The following CFAP299 variants were observed in gnomAD, a reference collection of about 807,000 sequenced individuals.
The protein encoded by CFAP299 is cilia- and flagella-associated protein 299.
In CFAP299, 21 loss-of-function variants were observed where a neutral mutation model predicts 27.0. That is an observed-to-expected ratio of 0.78 (90% CI 0.55 to 1.12). The LOEUF is 1.12. Among genes scored for constraint, CFAP299 ranks in the 50% most tolerant of loss-of-function variants. The pLI is 0.00. For synonymous variants in CFAP299, 104 were observed against 98.1 expected (o/e 1.06, Z -0.36); for missense variants, 310 against 276.6 (o/e 1.12, Z -0.86).
chr4:80,810,589 A>G (rs1729099871), intron 3 of CFAP299, among the ~76,000 whole-genome samples: 1 of 152,074 alleles, frequency 6.6e-6, no homozygotes, highest in Non-Finnish European at 1.5e-5. Flanking sequence ...GGATGCATCT[A>G]TAAACCAAGG....
chr4:80,690,453 T>G (rs1720588897), intron 3 of CFAP299, among the ~76,000 whole-genome samples: 1 of 151,992 alleles, frequency 6.6e-6, no homozygotes, highest in Admixed American at 6.6e-5. Context: ...ACTGGGTACA[T>G]AACGAAATGA....
chr4:80,529,707 G>A (rs996798283), intron 2 of CFAP299, among the ~76,000 whole-genome samples: 16 of 151,434 alleles, frequency 1.1e-4, no homozygotes, highest in African/African-American at 3.6e-4. Context: ...AAGATTCCTT[G>A]CTCAGCTCCA....
intron 3 of CFAP299, among the ~76,000 whole-genome samples, chr4:80,816,325 G>A (rs1285350193): frequency 6.6e-6 from 1 of 152,058 alleles, no homozygotes; most frequent in Non-Finnish European, 1.5e-5. Flanking sequence ...GTTAAGTCTG[G>A]AAAACTTTGA....
Position 80,401,857 on chromosome 4 carries a change from AC to A in CFAP299, c.242+38976del, listed in dbSNP as rs1726179096. On this transcript the variant is annotated intron_variant, in intron 2 of 5. Transcript: ENST00000358105. Reference sequence around the variant, plus strand: ...TGAAAGCAGTCGGGAAGGAGGTTGTACCCTGCAAAGCCACAGGGATGGAGCT... The same window carrying A: ...TGAAAGCAGTCGGGAAGGAGGTTGTACCTGCAAAGCCACAGGGATGGAGCT... Among the ~76,000 whole-genome samples, 5 of 152,160 alleles carry A rather than the reference AC, an allele frequency of 3.3e-5. No homozygotes were observed. The South Asian group carries it at 1.0e-3, about 32-fold the overall frequency.
At chr4:80,579,046 C>CA (rs1736031608) in intron 2 of CFAP299, among the ~76,000 whole-genome samples, 1 of 152,052 alleles carries the variant, frequency 6.6e-6, no homozygotes, top group Non-Finnish European at 1.5e-5. Context: ...CAGAAAACCC[C>CA]AAAATGACAG....
intron 1 of CFAP299, among the ~76,000 whole-genome samples, chr4:80,349,476 C>T (rs1722916238): frequency 6.6e-6 from 1 of 152,120 alleles, no homozygotes. Context: ...TGTTACAGGA[C>T]ATGCATAGCC....
chr4:80,390,909 GTATATACACA>G (rs1725422505), intron 2 of CFAP299, among the ~76,000 whole-genome samples: 1 of 106,352 alleles, frequency 9.4e-6, no homozygotes, highest in Admixed American at 1.2e-4. Flanking sequence ...ATGCATATAT[GTATATACACA>G]CATATGTATA....
intron 2 of CFAP299, among the ~76,000 whole-genome samples, chr4:80,471,974 C>T (rs534273406): frequency 7.2e-5 from 11 of 152,174 alleles, no homozygotes; most frequent in Non-Finnish European, 1.5e-4. Context: ...CTAGCTAGCA[C>T]TGTTAGAATG....
intron 3 of CFAP299, among the ~76,000 whole-genome samples, chr4:80,624,690 C>A (rs538910182): frequency 6.6e-6 from 1 of 151,268 alleles, no homozygotes; most frequent in East Asian, 1.9e-4. Flanking sequence ...ATATTATGAC[C>A]AAACTGTCAA....
chr4:80,634,023 C>A (rs1233198743), intron 3 of CFAP299, among the ~76,000 whole-genome samples: 1 of 139,928 alleles, frequency 7.1e-6, no homozygotes, highest in African/African-American at 2.7e-5. Context: ...CTAGCTCTGT[C>A]GCCCAGGCTG....
At chr4:80,485,435 C>A (rs1375598556) in intron 2 of CFAP299, among the ~76,000 whole-genome samples, 1 of 151,698 alleles carries the variant, frequency 6.6e-6, no homozygotes, top group Non-Finnish European at 1.5e-5. Context: ...AAAGAGAATT[C>A]CAGAAACCAA....
At chr4:80,919,308 T>C (rs1735921694) in intron 4 of CFAP299, among the ~76,000 whole-genome samples, 1 of 152,132 alleles carries the variant, frequency 6.6e-6, no homozygotes, top group Non-Finnish European at 1.5e-5. Flanking sequence ...TATGCTTTAA[T>C]AGCCACGTTG....
At chr4:80,497,280 CAAAT>C (rs1053498503) in intron 2 of CFAP299, among the ~76,000 whole-genome samples, 1 of 152,070 alleles carries the variant, frequency 6.6e-6, no homozygotes, top group Non-Finnish European at 1.5e-5. Flanking sequence ...TAAAAACAAA[CAAAT>C]AAATAAGGAG....
intron 2 of CFAP299, among the ~76,000 whole-genome samples, chr4:80,536,690 A>G (rs962492944): frequency 1.2e-4 from 19 of 152,258 alleles, no homozygotes; most frequent in African/African-American, 3.8e-4. Context: ...CTGTCATCTC[A>G]CATCATGTAA....
chr4:80,588,748 GATA>G (rs1193470587), intron 3 of CFAP299, among the ~76,000 whole-genome samples: 9 of 143,934 alleles, frequency 6.3e-5, no homozygotes, highest in South Asian at 2.1e-4. Context: ...ATTAAAAAAT[GATA>G]ATAATAATGA....
At chr4:80,608,931 T>A (rs1397649095) in intron 3 of CFAP299, among the ~76,000 whole-genome samples, 1 of 151,426 alleles carries the variant, frequency 6.6e-6, no homozygotes, top group East Asian at 1.9e-4. Flanking sequence ...AGGAGAAGAA[T>A]AAAGAAAATG....
At chr4:80,799,722 TTTTATA>T (rs1728216110) in intron 3 of CFAP299, among the ~76,000 whole-genome samples, 5 of 18,034 alleles carry the variant, frequency 2.8e-4, no homozygotes, top group Non-Finnish European at 3.6e-4. Flanking sequence ...ATATATTATA[TTTTATA>T]AATATATATA....
At chr4:80,359,775 A>G (rs1232045661) in intron 1 of CFAP299, among the ~76,000 whole-genome samples, 4 of 152,168 alleles carry the variant, frequency 2.6e-5, no homozygotes, top group African/African-American at 9.7e-5. Context: ...ATACTTCTGT[A>G]ACTTCAATTA....
intron 3 of CFAP299, among the ~76,000 whole-genome samples, chr4:80,851,677 C>T (rs1731529759): frequency 6.6e-6 from 1 of 152,002 alleles, no homozygotes; most frequent in African/African-American, 2.4e-5. Context: ...ATCAAGTAAG[C>T]TATAGGGTCA....
Sources: gnomAD v4.1 joint callset for allele counts (sites outside exome capture counted in the v4.1 genomes callset) on GRCh38, gnomAD v4.1.1 for gene constraint, MANE v1.5 for transcripts, NCBI Gene and HGNC (gene_info 2026-07-23, HGNC 2026-07-21) for gene names.